AJAP1: variants seen among roughly 807,000 people sequenced by gnomAD.
The protein encoded by AJAP1 is adherens junctions associated protein 1.
In AJAP1, 5 loss-of-function variants were observed where a neutral mutation model predicts 35.0. The ratio of observed to expected loss-of-function variants is 0.14; its 90% CI spans 0.07 to 0.30. The LOEUF (loss-of-function observed/expected upper bound fraction) is 0.30. Ranked by LOEUF, AJAP1 falls within the 10% of genes least tolerant of loss-of-function variation. The pLI, the probability that AJAP1 is intolerant of heterozygous loss-of-function variation, is 1.00. For missense variants in AJAP1, 586 were observed against 571.0 expected, an observed-to-expected ratio of 1.03 and a Z score of -0.27; for synonymous variants, 284 against 249.3, an observed-to-expected ratio of 1.14 and a Z score of -1.31.
At chr1:4,660,017 T>C (rs753661498) in intron 1 of AJAP1, among the ~76,000 whole-genome samples, 2 of 152,268 alleles carry the variant, frequency 1.3e-5, no homozygotes, top group Non-Finnish European at 2.9e-5. Context: ...TGCCCCGAGC[T>C]GCTACTCTCA....
At chr1:4,765,146 G>A (rs936326149) in intron 2 of AJAP1, among the ~76,000 whole-genome samples, 1 of 152,212 alleles carries the variant, frequency 6.6e-6, no homozygotes, top group African/African-American at 2.4e-5. Context: ...CTGTCAGGAA[G>A]GGGAAGCAAG....
At chr1:4,761,555 A>G (rs1641566591) in intron 2 of AJAP1, among the ~76,000 whole-genome samples, 2 of 152,230 alleles carry the variant, frequency 1.3e-5, no homozygotes, top group Non-Finnish European at 2.9e-5. Flanking sequence ...TGCAGAGAAC[A>G]ATCAGAATCT....
At chr1:4,748,371 C>T (rs991757043) in intron 2 of AJAP1, among the ~76,000 whole-genome samples, 8 of 152,142 alleles carry the variant, frequency 5.3e-5, no homozygotes, top group Admixed American at 1.3e-4. Context: ...TGTGTGTCTC[C>T]GGCCAGCACC....
At position 4,679,808 on chromosome 1, in the gene AJAP1, GGTGTGT is replaced by G. The variant is rs60846836; in HGVS notation, c.29+24393_29+24398del. ...TTCTGCTTAGAAACAGAACCAATAG[GGTGTGT>G]GTGTGTGTGTGTGTGTGTGTGTGTG... On this transcript the variant is annotated intron_variant, in intron 1 of 5. Coordinates refer to ENST00000378191, the MANE Select transcript of AJAP1 (RefSeq NM_018836.4). Among the ~76,000 whole-genome samples, 340 of 142,408 alleles carry G rather than the reference GGTGTGT, an allele frequency of 2.4e-3. 1 individual carries two copies. Among genetic ancestry groups the G allele is most frequent in the African/African-American group, 5.0e-3 (191 of 37,912 alleles). The allele number at this position is 142,408 out of a possible 152,430, so 93.4% of individuals were successfully genotyped here.
intron 2 of AJAP1, among the ~76,000 whole-genome samples, chr1:4,717,685 A>G (rs1203144846): frequency 2.0e-5 from 3 of 152,020 alleles, no homozygotes; most frequent in Admixed American, 2.0e-4. Flanking sequence ...AGCTGGTGTC[A>G]TTTTCTCTGC....
In AJAP1 at chr1:4,693,401, T is replaced by G; in HGVS notation, c.30-18499T>G. Among the ~76,000 whole-genome samples the G allele has an allele frequency of 6.8e-6, 1 of 146,436 alleles. No homozygotes were observed. The highest frequency in any genetic ancestry group is 1.5e-5 in the Non-Finnish European group (1 of 65,938). On this transcript the variant is annotated intron_variant, in intron 1 of 5. Coordinates refer to ENST00000378191, the MANE Select transcript of AJAP1 (RefSeq NM_018836.4). The surrounding 1 kb of genome is among the most constrained non-coding windows in gnomAD (Gnocchi z 4.4). ...GGAGGCAGGGGGCGGGGGGAGGGAT[T>G]GGAGGAGGCCTAAGCAGGAGCAGGT...
chr1:4,665,294 C>G (rs1639092048), intron 1 of AJAP1, among the ~76,000 whole-genome samples: 1 of 152,110 alleles, frequency 6.6e-6, no homozygotes, highest in South Asian at 2.1e-4. Flanking sequence ...GATGGAATGG[C>G]CCCATTAGGC....
intron 1 of AJAP1, among the ~76,000 whole-genome samples, chr1:4,667,384 G>A (rs1372421886): frequency 1.3e-5 from 2 of 152,142 alleles, no homozygotes; most frequent in African/African-American, 4.8e-5. Flanking sequence ...CCTCCGTGGG[G>A]ACCTTCTCAC....
At chr1:4,729,432 T>G (rs547485460) in intron 2 of AJAP1, among the ~76,000 whole-genome samples, 3 of 152,316 alleles carry the variant, frequency 2.0e-5, no homozygotes, top group African/African-American at 7.2e-5. Flanking sequence ...TTTCGGCTCC[T>G]GGCCTCTGAG....
intron 4 of AJAP1, among the ~76,000 whole-genome samples, chr1:4,773,767 C>G (rs1342170485): frequency 6.6e-6 from 1 of 152,178 alleles, no homozygotes; most frequent in Non-Finnish European, 1.5e-5. Context: ...GTGCTTGGGC[C>G]GTGTGGGTAG....
intron 2 of AJAP1, among the ~76,000 whole-genome samples, chr1:4,736,353 G>T (rs185671417): frequency 2.6e-5 from 4 of 152,114 alleles, no homozygotes; most frequent in Admixed American, 6.5e-5. Context: ...CCTGTTGCCC[G>T]CTGCGCTGTG....
chr1:4,712,714 C>T lies in AJAP1; in HGVS notation c.829+15C>T. 6.7e-7 allele frequency: 1 copy of T among 1,502,492 alleles called. No individual in the cohort carries two copies. The highest frequency in any genetic ancestry group is 8.9e-7 in the Non-Finnish European group (1 of 1,124,252). 93.1% of individuals were successfully genotyped at this position (1,502,492 alleles called of 1,614,324 possible). A position where few individuals can be genotyped will look rare whatever the true frequency, so the allele number is the denominator to read the frequency against. On this transcript the variant is annotated intron_variant, in intron 2 of 5. Transcript: ENST00000378191. ...GGAGGCCTCAGGTACAGCCATCTCT[C>T]TTCTGGTTTGGGTTTGCTTGGGGTT... is the stretch of plus-strand genomic sequence containing the variant.
chr1:4,663,413 G>T (rs1327179449), intron 1 of AJAP1, among the ~76,000 whole-genome samples: 1 of 152,142 alleles, frequency 6.6e-6, no homozygotes. Flanking sequence ...CCTCAAGCAG[G>T]CCATGGATTC....
chr1:4,726,274 G>C (rs1314750474), intron 2 of AJAP1, among the ~76,000 whole-genome samples: 1 of 152,248 alleles, frequency 6.6e-6, no homozygotes. Flanking sequence ...GCCAGGGTGT[G>C]GTGGAGGGTA....
chr1:4,657,723 T>TGGGGGG (rs1638912369), intron 1 of AJAP1, among the ~76,000 whole-genome samples: 1 of 4,340 alleles, frequency 2.3e-4, no homozygotes, highest in African/African-American at 1.0e-3. Context: ...GGGGTGGGGG[T>TGGGGGG]GGGGGTGGGG....
intron 1 of AJAP1, among the ~76,000 whole-genome samples, chr1:4,697,993 G>A (rs1441705480): frequency 2.0e-5 from 3 of 152,212 alleles, no homozygotes; most frequent in Non-Finnish European, 2.9e-5. Context: ...GCGGGCAGCC[G>A]GCAGGAGATT....
At chr1:4,688,785 A>T (rs1276031292) in intron 1 of AJAP1, among the ~76,000 whole-genome samples, 2 of 151,828 alleles carry the variant, frequency 1.3e-5, no homozygotes, top group Non-Finnish European at 2.9e-5. Context: ...AAAAAAAAAA[A>T]AAAAAAAAGA....
At chr1:4,667,197 C>G (rs76508223) in intron 1 of AJAP1, among the ~76,000 whole-genome samples, 1 of 152,106 alleles carries the variant, frequency 6.6e-6, no homozygotes, top group African/African-American at 2.4e-5. Context: ...AACACGTCTG[C>G]GGTCAGTTGC....
At chr1:4,718,120 C>G (rs1640437074) in intron 2 of AJAP1, among the ~76,000 whole-genome samples, 1 of 151,944 alleles carries the variant, frequency 6.6e-6, no homozygotes, top group South Asian at 2.1e-4. Context: ...CGTGGCAAAT[C>G]CTGAGTGCCG....
Sources: gnomAD v4.1 joint callset for allele counts (sites outside exome capture counted in the v4.1 genomes callset) on GRCh38, gnomAD v4.1.1 for gene constraint, Gnocchi (gnomAD v3.1) non-coding constraint, MANE v1.5 for transcripts, NCBI Gene and HGNC (gene_info 2026-07-23, HGNC 2026-07-21) for gene names.